Variants in CELF2 observed in about 807,000 individuals in gnomAD.
CELF2 encodes the protein CUGBP Elav-like family member 2, also known as CUG triplet repeat RNA-binding protein 2.
In CELF2, 8 loss-of-function variants were observed where a neutral mutation model predicts 62.6. The ratio of observed to expected loss-of-function variants is 0.13; its 90% CI spans 0.07 to 0.23. The LOEUF (loss-of-function observed/expected upper bound fraction) is 0.23. Among genes scored for constraint, CELF2 ranks in the 10% least tolerant of loss-of-function variants. CELF2 has a pLI of 1.00. For synonymous variants in CELF2, 258 were observed against 250.0 expected, an observed-to-expected ratio of 1.03 and a Z score of -0.30; for missense variants, 333 against 671.0, an observed-to-expected ratio of 0.50 and a Z score of 5.56.
the CELF2 span, among the ~76,000 whole-genome samples, chr10:10,496,395 G>A: frequency 6.6e-6 from 1 of 151,892 alleles, no homozygotes; most frequent in Admixed American, 6.6e-5. Context: ...TCCTTTTCTT[G>A]CTGCATGCCT....
In CELF2 at chr10:11,214,094, G is replaced by A. The variant is rs1008440528; in HGVS notation, c.272-3331G>A. ...AGGCCAGGAGTCCAAGACCAGCCTGGGCAACATAGTGGGACCCCTATCTCT... is the reference window on the plus strand; with the variant it reads ...AGGCCAGGAGTCCAAGACCAGCCTGAGCAACATAGTGGGACCCCTATCTCT... On this transcript the variant is annotated intron_variant, in intron 2 of 12. Transcript: ENST00000633077. This position sits in a 1 kb window ranked among gnomAD's most constrained non-coding sequence, Gnocchi z 4.2. Among the ~76,000 whole-genome samples the A allele has an allele frequency of 6.6e-6, 1 of 152,080 alleles. No individual in the cohort carries two copies.
intron 1 of CELF2, among the ~76,000 whole-genome samples, chr10:10,827,911 A>G (rs1293823705): frequency 6.7e-6 from 1 of 150,160 alleles, no homozygotes; most frequent in African/African-American, 2.4e-5. Flanking sequence ...AAATAAAACT[A>G]ATTTGAATTA....
chr10:10,736,411 G>A, the CELF2 span, among the ~76,000 whole-genome samples: 3 of 35,314 alleles, frequency 8.5e-5, no homozygotes, highest in Admixed American at 8.4e-4. Context: ...TTTTTTTTTT[G>A]GACCATTTCC....
intron 2 of CELF2, among the ~76,000 whole-genome samples, chr10:11,212,407 G>A (rs2062087400): frequency 6.6e-6 from 1 of 152,198 alleles, no homozygotes; most frequent in South Asian, 2.1e-4. Context: ...TTTCTGTCTT[G>A]TGTTCCTTTC....
upstream of CELF2, chr10:10,796,829 T>A: frequency 1.1e-6 from 1 of 927,296 alleles, no homozygotes; most frequent in Non-Finnish European, 1.3e-6. Flanking sequence ...TACGCTGTGG[T>A]CTGAGATTCA....
rs1481549466 is a variant in CELF2 at position 11,270,000 on chromosome 10, A to G, written c.619-666A>G. On this transcript the variant is annotated intron_variant, in intron 6 of 12. Coordinates refer to ENST00000633077, the MANE Select transcript of CELF2 (RefSeq NM_001326342.2). This position sits in a 1 kb window ranked among gnomAD's most constrained non-coding sequence, Gnocchi z 4.4. ...TTTTGGGTTTGCACCAGCTCCAGGG[A>G]TGGCGGGTAGCACAGGTGTGCTGAG... Among the ~76,000 whole-genome samples, 1 of 152,124 alleles carries G rather than the reference A, an allele frequency of 6.6e-6. No homozygotes were observed. Among genetic ancestry groups the G allele is most frequent in the Non-Finnish European group, 1.5e-5 (1 of 68,012 alleles).
At chr10:10,608,703 T>A in the CELF2 span, among the ~76,000 whole-genome samples, 1 of 152,078 alleles carries the variant, frequency 6.6e-6, no homozygotes, top group African/African-American at 2.4e-5. Context: ...TCTCCCAGGC[T>A]CTCCCCAGCC....
Position 11,321,181 on chromosome 10 carries a change from T to C in CELF2, c.1097-8T>C, listed in dbSNP as rs1424924276. On this transcript the variant is annotated splice_polypyrimidine_tract_variant and splice_region_variant and intron_variant, in intron 10 of 12. Transcript: ENST00000633077. This position sits in a 1 kb window ranked among gnomAD's most constrained non-coding sequence, Gnocchi z 6.2. ...TTTCTCTTCTCTATTGTTGGGTTTTTTGTAAAGTTGCTCAAATGCTCTCAG... is the reference window on the plus strand; with the variant it reads ...TTTCTCTTCTCTATTGTTGGGTTTTCTGTAAAGTTGCTCAAATGCTCTCAG... 6.2e-7 allele frequency: 1 copy of C among 1,613,944 alleles called. No individual in the cohort carries two copies. The highest frequency in any genetic ancestry group is 2.2e-5 in the East Asian group (1 of 44,904).
upstream of CELF2, among the ~76,000 whole-genome samples, chr10:10,797,098 C>T (rs965402606): frequency 1.3e-5 from 2 of 152,150 alleles, no homozygotes; most frequent in African/African-American, 2.4e-5. Context: ...CTGGGATAGG[C>T]GTTTGGAGTG....
intron 2 of CELF2, among the ~76,000 whole-genome samples, chr10:10,926,218 T>C (rs1053043900): frequency 2.6e-5 from 4 of 152,076 alleles, no homozygotes; most frequent in Admixed American, 2.0e-4. Flanking sequence ...TCAATGTGAC[T>C]CTGGGGAGGT....
chr10:10,766,900 A>G, the CELF2 span, among the ~76,000 whole-genome samples: 197 of 152,184 alleles, frequency 1.3e-3, 1 homozygote, highest in African/African-American at 4.5e-3. Flanking sequence ...TGATCTTCCA[A>G]TCTTTCTCCT....
intron 1 of CELF2, among the ~76,000 whole-genome samples, chr10:10,912,081 G>A (rs1044643995): frequency 2.0e-5 from 3 of 152,124 alleles, no homozygotes; most frequent in East Asian, 3.9e-4. Flanking sequence ...CAGGTACCCC[G>A]TAAATCTTGA....
chr10:10,967,513 A>G (rs1409537936), intron 2 of CELF2, among the ~76,000 whole-genome samples: 1 of 152,200 alleles, frequency 6.6e-6, no homozygotes, highest in Non-Finnish European at 1.5e-5. Flanking sequence ...AAATGCCTGT[A>G]TGAGAAAATG....
intron 1 of CELF2, among the ~76,000 whole-genome samples, chr10:11,026,800 C>T (rs1017940236): frequency 6.6e-6 from 1 of 152,186 alleles, no homozygotes; most frequent in Non-Finnish European, 1.5e-5. Context: ...GTTGGAGCCT[C>T]GGGAGGAGAG....
rs540191286 is a variant in CELF2, at chr10:11,046,545, C to T, written c.74+28382C>T. Among the ~76,000 whole-genome samples, 1 of 152,308 alleles carries T rather than the reference C, an allele frequency of 6.6e-6. No individual in the cohort carries two copies. The highest frequency in any genetic ancestry group is 1.9e-4 in the East Asian group (1 of 5,188). On this transcript the variant is annotated intron_variant, in intron 1 of 12. Coordinates refer to ENST00000633077, the MANE Select transcript of CELF2 (RefSeq NM_001326342.2). The surrounding 1 kb of genome is among the most constrained non-coding windows in gnomAD (Gnocchi z 4.6). ...GTCCTGATTTCTTTTATGTCTTGGG[C>T]ATGTGGGCTCAGTGCTAATTTTCAT...
rs17148978 is a variant in CELF2 at position 10,833,393 on chromosome 10, G to A, written c.53+34576G>A. Among the ~76,000 whole-genome samples, 1,158 of 152,224 alleles carry A rather than the reference G, an allele frequency of 7.6e-3. 29 individuals are homozygous for A. In the East Asian group the frequency reaches 0.096, roughly 13 times the overall value. ...GATGCTGAAGGTGAACTCCTTTTCC[G>A]TAGCACACAGCAACTGGCAGTACAG... On this transcript the variant is annotated intron_variant, in intron 1 of 13. Coordinates refer to the CELF2 transcript ENST00000636488.
At chr10:11,068,683 C>A (rs2068827721) in intron 1 of CELF2, among the ~76,000 whole-genome samples, 1 of 152,008 alleles carries the variant, frequency 6.6e-6, no homozygotes, top group Non-Finnish European at 1.5e-5. Context: ...GCCTCAGCCT[C>A]CCGAGTAGCT....
chr10:10,682,027 C>G, the CELF2 span, among the ~76,000 whole-genome samples: 1 of 152,156 alleles, frequency 6.6e-6, no homozygotes, highest in South Asian at 2.1e-4. Context: ...CATTAAGTCT[C>G]TAGACAGAAT....
At chr10:10,615,200 T>C in the CELF2 span, among the ~76,000 whole-genome samples, 58 of 152,262 alleles carry the variant, frequency 3.8e-4, no homozygotes, top group Non-Finnish European at 7.9e-4. Flanking sequence ...AAGTAAGACA[T>C]GTATGAAAGT....
Sources: allele counts gnomAD v4.1 joint callset (sites outside exome capture counted in the v4.1 genomes callset), GRCh38; gene constraint gnomAD v4.1.1; non-coding constraint Gnocchi (gnomAD v3.1); transcripts MANE v1.5; gene names NCBI Gene and HGNC (gene_info 2026-07-23, HGNC 2026-07-21).